The following ERBB4 variants were observed in gnomAD, a reference collection of about 807,000 sequenced individuals.
The protein encoded by ERBB4 is erb-b2 receptor tyrosine kinase 4, also known as receptor tyrosine-protein kinase erbB-4.
Under a neutral mutation model 158.0 loss-of-function variants are expected in ERBB4, and 42 were observed. The ratio of observed to expected loss-of-function variants is 0.27; its 90% confidence interval spans 0.21 to 0.34. The LOEUF (loss-of-function observed/expected upper bound fraction) is 0.34, where lower values mean the gene tolerates loss of function less well. Ranked by LOEUF, ERBB4 falls within the 10% of genes least tolerant of loss-of-function variation. The pLI is 1.00. For synonymous variants in ERBB4, 583 were observed against 558.7 expected (o/e 1.04, Z -0.61); for missense variants, 1,333 against 1,624.1 (o/e 0.82, Z 3.08).
chr2:211,723,900 T>A (rs1559459723), intron 6 of ERBB4, among the ~76,000 whole-genome samples: 1 of 152,198 alleles, frequency 6.6e-6, no homozygotes, highest in Non-Finnish European at 1.5e-5. Context: ...AGTGGAATCA[T>A]TAGACCGTTC....
chr2:212,333,457 C>T (rs753001182), intron 1 of ERBB4, among the ~76,000 whole-genome samples: 2 of 151,178 alleles, frequency 1.3e-5, no homozygotes, highest in Non-Finnish European at 2.9e-5. Flanking sequence ...GGCAGGAGAA[C>T]TGCTCGAGCC....
chr2:211,669,891 A>C (rs2071773691), intron 14 of ERBB4, among the ~76,000 whole-genome samples: 1 of 152,170 alleles, frequency 6.6e-6, no homozygotes, highest in Non-Finnish European at 1.5e-5. Context: ...CTTTCTAATC[A>C]TTATTGGTTA....
intron 1 of ERBB4, among the ~76,000 whole-genome samples, chr2:212,171,746 C>T (rs899804485): frequency 6.6e-6 from 1 of 152,156 alleles, no homozygotes; most frequent in African/African-American, 2.4e-5. Context: ...CGCCTCTTCG[C>T]CTTCCACCAT....
intron 2 of ERBB4, among the ~76,000 whole-genome samples, chr2:211,998,067 A>G (rs1025321304): frequency 6.6e-6 from 1 of 151,936 alleles, no homozygotes; most frequent in Non-Finnish European, 1.5e-5. Flanking sequence ...TAGCATTAGG[A>G]GATATACCTA....
At chr2:212,466,687 T>TC (rs1387172256) in intron 1 of ERBB4, among the ~76,000 whole-genome samples, 1 of 152,156 alleles carries the variant, frequency 6.6e-6, no homozygotes, top group Non-Finnish European at 1.5e-5. Flanking sequence ...TATGTCTTTA[T>TC]CAGCAGGTGA....
At chr2:211,821,231 T>C (rs1455514417) in intron 3 of ERBB4, among the ~76,000 whole-genome samples, 2 of 151,308 alleles carry the variant, frequency 1.3e-5, no homozygotes, top group East Asian at 3.9e-4. Flanking sequence ...ACAAACCAGC[T>C]AAAAAAGAAA....
intron 1 of ERBB4, among the ~76,000 whole-genome samples, chr2:212,201,517 T>C (rs1157818727): frequency 1.3e-5 from 2 of 152,166 alleles, no homozygotes; most frequent in Non-Finnish European, 2.9e-5. Flanking sequence ...TCAGAAATGA[T>C]GAGAAAAATG....
At chr2:212,228,229 A>G (rs2083541013) in intron 1 of ERBB4, among the ~76,000 whole-genome samples, 1 of 152,222 alleles carries the variant, frequency 6.6e-6, no homozygotes, top group Non-Finnish European at 1.5e-5. Context: ...AGAAGTATAG[A>G]TAATCATCTA....
At chr2:212,355,705 T>C (rs908636135) in intron 1 of ERBB4, among the ~76,000 whole-genome samples, 3 of 152,052 alleles carry the variant, frequency 2.0e-5, no homozygotes. Flanking sequence ...AGGTTGTAAC[T>C]AAAACGTATC....
chr2:211,988,892 C>G (rs1456590350), intron 2 of ERBB4, among the ~76,000 whole-genome samples: 2 of 152,034 alleles, frequency 1.3e-5, no homozygotes, highest in Non-Finnish European at 2.9e-5. Flanking sequence ...CTCCTACGAT[C>G]ATGCATAAAA....
intron 5 of ERBB4, among the ~76,000 whole-genome samples, chr2:211,730,046 A>G (rs2074380685): frequency 1.3e-5 from 2 of 152,018 alleles, no homozygotes; most frequent in Non-Finnish European, 2.9e-5. Flanking sequence ...TAAGGAATCA[A>G]ACAATTCATG....
chr2:212,092,889 C>T (rs1183133964), intron 2 of ERBB4, among the ~76,000 whole-genome samples: 2 of 152,066 alleles, frequency 1.3e-5, no homozygotes, highest in African/African-American at 2.4e-5. Flanking sequence ...AGCAAACCAA[C>T]GTGGCACGTG....
intron 1 of ERBB4, among the ~76,000 whole-genome samples, chr2:212,327,635 G>C (rs982826358): frequency 6.6e-6 from 1 of 151,734 alleles, no homozygotes; most frequent in African/African-American, 2.4e-5. Context: ...AGTGGGTCTG[G>C]GGAAGAGGAA....
intron 1 of ERBB4, among the ~76,000 whole-genome samples, chr2:212,250,837 G>C (rs959588402): frequency 4.0e-5 from 6 of 151,700 alleles, no homozygotes; most frequent in African/African-American, 1.5e-4. Flanking sequence ...AAAAGTAAAA[G>C]AGGAAAAGCC....
chr2:212,277,340 C>T (rs931893071), intron 1 of ERBB4, among the ~76,000 whole-genome samples: 1 of 151,656 alleles, frequency 6.6e-6, no homozygotes, highest in African/African-American at 2.4e-5. Flanking sequence ...CTAGTTCATT[C>T]ATTTAATATT....
intron 1 of ERBB4, among the ~76,000 whole-genome samples, chr2:212,211,466 TG>T (rs1360165990): frequency 1.3e-5 from 2 of 152,152 alleles, no homozygotes; most frequent in African/African-American, 2.4e-5. Context: ...GTGTCCTTAG[TG>T]CTTAGCTCTG....
chr2:212,394,540 A>G (rs1186264504), intron 1 of ERBB4, among the ~76,000 whole-genome samples: 2 of 152,114 alleles, frequency 1.3e-5, no homozygotes. Context: ...TGCATTTTAG[A>G]AACATAATTT....
chr2:212,435,652 T>C (rs981267528), intron 1 of ERBB4, among the ~76,000 whole-genome samples: 2 of 151,970 alleles, frequency 1.3e-5, no homozygotes, highest in Non-Finnish European at 2.9e-5. Context: ...AACTTTATCA[T>C]GCACACACGA....
At chr2:212,131,464 A>G (rs1003424839) in intron 1 of ERBB4, among the ~76,000 whole-genome samples, 2 of 152,106 alleles carry the variant, frequency 1.3e-5, no homozygotes, top group Non-Finnish European at 2.9e-5. Flanking sequence ...ACCTTATTTA[A>G]ATAAGTACCG....
Sources: gnomAD v4.1 joint callset for allele counts (sites outside exome capture counted in the v4.1 genomes callset) on GRCh38, gnomAD v4.1.1 for gene constraint, MANE v1.5 for transcripts, NCBI Gene and HGNC (gene_info 2026-07-23, HGNC 2026-07-21) for gene names.